ARHGEF6: variants seen among roughly 807,000 people sequenced by gnomAD.
The protein encoded by ARHGEF6 is rho guanine nucleotide exchange factor 6.
Under a neutral mutation model 70.3 loss-of-function variants are expected in ARHGEF6, and 9 were observed. The ratio of observed to expected loss-of-function variants is 0.13; its 90% confidence interval spans 0.08 to 0.22. The LOEUF is 0.22. ARHGEF6 is among the 10% of genes least tolerant of loss of function. The pLI, the probability that ARHGEF6 is intolerant of heterozygous loss-of-function variation, is 1.00. For missense variants in ARHGEF6, 470 were observed against 563.0 expected, an observed-to-expected ratio of 0.83 and a Z score of 1.67; for synonymous variants, 201 against 207.8, an observed-to-expected ratio of 0.97 and a Z score of 0.28.
intron 2 of ARHGEF6, among the ~76,000 whole-genome samples, chrX:136,752,380 C>G (rs1415216933): frequency 7.2e-5 from 8 of 111,859 alleles, no homozygotes; most frequent in Non-Finnish European, 1.5e-4. Flanking sequence ...CCAGGTCTGC[C>G]TCGTGAGCCA....
chrX:136,676,477 GC>G (rs1218000601), intron 18 of ARHGEF6, 146 bp downstream of exon 18: 6 of 466,119 alleles, frequency 1.3e-5, no homozygotes, highest in African/African-American at 1.2e-4. Context: ...AGTGACCAAA[GC>G]TTTCCATGCA....
At chrX:136,702,151 CTGTTA>C (rs1234918481) in intron 9 of ARHGEF6, among the ~76,000 whole-genome samples, 2 of 111,666 alleles carry the variant, frequency 1.8e-5, no homozygotes, top group Non-Finnish European at 3.8e-5. Flanking sequence ...TGAGAATATT[CTGTTA>C]TAAGTTACCT....
At chrX:136,753,733 G>A (rs373685106) in intron 2 of ARHGEF6, among the ~76,000 whole-genome samples, 1 of 112,361 alleles carries the variant, frequency 8.9e-6, no homozygotes, top group Non-Finnish European at 1.9e-5. Flanking sequence ...TGAGAAATGT[G>A]TTGAGTACTA....
At chrX:136,691,903 A>G (rs1239930977) in intron 9 of ARHGEF6, among the ~76,000 whole-genome samples, 2 of 111,696 alleles carry the variant, frequency 1.8e-5, no homozygotes, top group Non-Finnish European at 3.8e-5. Context: ...CCAGCAGGAA[A>G]CCCCTAGTGC....
At chrX:136,702,338 GAAAC>G (rs1333871683) in intron 9 of ARHGEF6, among the ~76,000 whole-genome samples, 1 of 111,817 alleles carries the variant, frequency 8.9e-6, no homozygotes, top group Non-Finnish European at 1.9e-5. Context: ...AGGTAAAAAA[GAAAC>G]AAAGAACAAT....
In ARHGEF6 at chrX:136,676,694, C is replaced by T. The variant is rs768560399; in HGVS notation, c.1875G>A (p.Thr625=). Residue 625 remains threonine, a synonymous_variant, in exon 18 of 22, where the codon ACG becomes ACA. Coordinates refer to ENST00000250617, the MANE Select transcript of ARHGEF6 (RefSeq NM_004840.3). The part of the protein sequence containing the change: ...ILKESSKSPK[T]MKKFLHKRKT... ...TCCTTTTATGAAGAAATTTCTTCAT[C>T]GTTTTAGGGCTTTTACTAGACTCCT... 8 of 1,201,870 alleles carry T rather than the reference C, an allele frequency of 6.7e-6. No homozygotes were observed. Among genetic ancestry groups the T allele is most frequent in the Admixed American group, 2.2e-5 (1 of 45,775 alleles).
At chrX:136,729,602 C>T (rs949208368) in intron 6 of ARHGEF6, among the ~76,000 whole-genome samples, 3 of 106,985 alleles carry the variant, frequency 2.8e-5, no homozygotes, top group Non-Finnish European at 5.8e-5. Flanking sequence ...GAGGCCAAGG[C>T]GGGCAGATAA....
chrX:136,672,005 G>C lies in ARHGEF6; in HGVS notation c.2135+15C>G. 8.4e-7 allele frequency: 1 copy of C among 1,186,584 alleles called. No individual in the cohort carries two copies. The highest frequency in any genetic ancestry group is 1.1e-6 in the Non-Finnish European group (1 of 872,628). On this transcript the variant is annotated intron_variant, in intron 20 of 21. Coordinates refer to ENST00000250617, the MANE Select transcript of ARHGEF6 (RefSeq NM_004840.3). ...CCCAAGAGAAACTAGGCAAGGTTTT[G>C]CCTGCTCTACTCACTTTTCTTCCAT...
chrX:136,741,185 T>C (rs1481955642), intron 5 of ARHGEF6, among the ~76,000 whole-genome samples: 1 of 111,783 alleles, frequency 8.9e-6, no homozygotes, highest in Non-Finnish European at 1.9e-5. Context: ...ACTCTGGTTG[T>C]CGGGGGGAGA....
intron 6 of ARHGEF6, among the ~76,000 whole-genome samples, chrX:136,714,671 T>C (rs2076719432): frequency 8.9e-6 from 1 of 111,828 alleles, no homozygotes; most frequent in Non-Finnish European, 1.9e-5. Context: ...GATCTGCTTT[T>C]GAAAGGTGGA....
At chrX:136,668,202 C>T (rs1159897728) in intron 21 of ARHGEF6, 33 bp from the exon 22 acceptor site, 1 of 1,208,149 alleles carries the variant, frequency 8.3e-7, no homozygotes, top group Non-Finnish European at 1.1e-6. Flanking sequence ...GATTATCAAA[C>T]AGAGGGGGGC....
At chrX:136,727,801 T>C (rs2076886184) in intron 6 of ARHGEF6, among the ~76,000 whole-genome samples, 1 of 111,524 alleles carries the variant, frequency 9.0e-6, no homozygotes. Context: ...CCGAAGGTGC[T>C]GGGATTACAG....
chrX:136,717,081 T>C (rs781470720), intron 6 of ARHGEF6, among the ~76,000 whole-genome samples: 9 of 111,862 alleles, frequency 8.0e-5, no homozygotes, highest in Non-Finnish European at 1.7e-4. Flanking sequence ...GAGAATTTAC[T>C]CAAAATTAGT....
chrX:136,679,024 C>G (rs761324157), intron 16 of ARHGEF6, among the ~76,000 whole-genome samples: 1 of 112,038 alleles, frequency 8.9e-6, no homozygotes, highest in African/African-American at 3.2e-5. Context: ...CTCTGAGAAG[C>G]CTCTTTTTAA....
Position 136,668,114 on chromosome X carries a change from A to G in ARHGEF6, c.2246T>C (p.Leu749Pro). The change falls in exon 22 of 22, where the codon CTA (leucine) becomes CCA (proline). Residue 749 changes from leucine (L) to proline (P), a missense_variant. Transcript: ENST00000250617. ...CAAAAGCCTCCGCACCAGCTTTTCTAGGTCCCTTCTTGATTTCAGTTCTTC... is the reference window on the plus strand; with the variant it reads ...CAAAAGCCTCCGCACCAGCTTTTCTGGGTCCCTTCTTGATTTCAGTTCTTC... ...LEEELKSRRD[L>P]EKLVRRLLKQ... 8.3e-7 allele frequency: 1 copy of G among 1,209,402 alleles called. No individual in the cohort carries two copies. The highest frequency in any genetic ancestry group is 1.1e-6 in the Non-Finnish European group (1 of 893,454).
intron 6 of ARHGEF6, among the ~76,000 whole-genome samples, chrX:136,722,967 A>G (rs991070463): frequency 1.8e-5 from 2 of 112,931 alleles, no homozygotes; most frequent in African/African-American, 6.4e-5. Context: ...CTTAGCTATA[A>G]AAAGAAAGAA....
chrX:136,758,798 A>G (rs2077236858), intron 2 of ARHGEF6, among the ~76,000 whole-genome samples: 1 of 111,667 alleles, frequency 9.0e-6, no homozygotes, highest in Non-Finnish European at 1.9e-5. Flanking sequence ...TACACAAGCT[A>G]TCTAAAATGA....
chrX:136,756,647 A>T (rs1028314591), intron 2 of ARHGEF6, among the ~76,000 whole-genome samples: 1 of 112,004 alleles, frequency 8.9e-6, no homozygotes, highest in Non-Finnish European at 1.9e-5. Flanking sequence ...TACAATTCAC[A>T]TGCCCAAAAT....
chrX:136,767,949 A>G (rs1288241195), intron 2 of ARHGEF6, among the ~76,000 whole-genome samples: 1 of 112,748 alleles, frequency 8.9e-6, no homozygotes. Context: ...CGCCCGCTTC[A>G]GCCCCTACCC....
Sources: allele counts gnomAD v4.1 joint callset (sites outside exome capture counted in the v4.1 genomes callset), GRCh38; gene constraint gnomAD v4.1.1; transcripts MANE v1.5; gene names NCBI Gene and HGNC (gene_info 2026-07-23, HGNC 2026-07-21).